Variants in NLGN1 observed in about 807,000 individuals in gnomAD.
NLGN1 encodes neuroligin 1, also known as neuroligin-1.
NLGN1 carries 12 observed loss-of-function variants against 65.5 expected under a neutral mutation model. That is an observed-to-expected ratio of 0.18 (90% CI 0.12 to 0.30). NLGN1 has a LOEUF of 0.30. Ranked by LOEUF, NLGN1 falls within the 10% of genes least tolerant of loss-of-function variation. The pLI is 1.00. For synonymous variants in NLGN1, 350 were observed against 359.5 expected (o/e 0.97, Z 0.30); for missense variants, 750 against 1,007.1 (o/e 0.74, Z 3.46).
At chr3:174,116,672 T>C (rs1716555250) in intron 4 of NLGN1, among the ~76,000 whole-genome samples, 1 of 152,046 alleles carries the variant, frequency 6.6e-6, no homozygotes, top group South Asian at 2.1e-4. Context: ...TAGACTAAGA[T>C]AGCATTTGGA....
chr3:174,273,950 T>G (rs545835661), intron 4 of NLGN1, among the ~76,000 whole-genome samples: 6 of 151,732 alleles, frequency 4.0e-5, no homozygotes, highest in East Asian at 1.9e-4. Context: ...GTTATCATGG[T>G]TTTGTTTTCA....
intron 4 of NLGN1, among the ~76,000 whole-genome samples, chr3:174,186,183 A>C (rs1434685310): frequency 6.6e-6 from 1 of 152,142 alleles, no homozygotes. Flanking sequence ...GTGTGCATTT[A>C]TGCCTTGTGT....
chr3:173,951,222 AAAAATG>A (rs1748141990), intron 4 of NLGN1, among the ~76,000 whole-genome samples: 1 of 152,122 alleles, frequency 6.6e-6, no homozygotes, highest in Non-Finnish European at 1.5e-5. Context: ...CCTAACTGGA[AAAAATG>A]AAAATGAAGA....
chr3:173,482,470 T>C (rs985160711), intron 2 of NLGN1, among the ~76,000 whole-genome samples: 4 of 151,928 alleles, frequency 2.6e-5, no homozygotes, highest in Admixed American at 6.6e-5. Flanking sequence ...CAATACACTA[T>C]CAGAAATTTC....
rs182142639 is a variant in NLGN1, at chr3:173,670,932, A to G, written c.493+65841A>G. Among the ~76,000 whole-genome samples the G allele has an allele frequency of 5.7e-4, 87 of 152,334 alleles. 2 individuals are homozygous for G. In the East Asian group the frequency reaches 0.016, roughly 28 times the overall value. On this transcript the variant is annotated intron_variant, in intron 3 of 6. Transcript: ENST00000457714. ...TACTCAAAAAGCATTAAATGTACTCAAATAAATTACCTAAAAAGTGCATAG... is the reference window on the plus strand; with the variant it reads ...TACTCAAAAAGCATTAAATGTACTCGAATAAATTACCTAAAAAGTGCATAG...
At chr3:173,802,068 T>A (rs1715558468) in intron 3 of NLGN1, among the ~76,000 whole-genome samples, 2 of 152,162 alleles carry the variant, frequency 1.3e-5, no homozygotes, top group Non-Finnish European at 1.5e-5. Context: ...AAGGCCAAAT[T>A]TTCCCCATTT....
In NLGN1 at chr3:173,696,108, G is replaced by A. The variant is rs920458047; in HGVS notation, c.493+91017G>A. On this transcript the variant is annotated intron_variant, in intron 3 of 6. Coordinates refer to ENST00000457714, the Ensembl canonical transcript of NLGN1. ...ATTACAAGTGTGAACCACTGAGCCT[G>A]GCCTTATTTATAATTCTTTATGGTA... Among the ~76,000 whole-genome samples, 4 of 152,250 alleles carry A rather than the reference G, an allele frequency of 2.6e-5. No individual in the cohort carries two copies. In the South Asian group the frequency reaches 8.3e-4, roughly 32 times the overall value.
At chr3:173,685,053 A>C (rs2149798886) in intron 3 of NLGN1, among the ~76,000 whole-genome samples, 1 of 152,286 alleles carries the variant, frequency 6.6e-6, no homozygotes, top group East Asian at 1.9e-4. Flanking sequence ...GATGATTCTT[A>C]GCATTATGTT....
At chr3:173,628,790 C>T (rs1318181236) in intron 3 of NLGN1, among the ~76,000 whole-genome samples, 1 of 151,832 alleles carries the variant, frequency 6.6e-6, no homozygotes, top group Non-Finnish European at 1.5e-5. Flanking sequence ...GTCTCCTGGG[C>T]TCAAGCGATT....
intron 2 of NLGN1, among the ~76,000 whole-genome samples, chr3:173,562,966 C>T (rs1297794060): frequency 6.6e-6 from 1 of 152,150 alleles, no homozygotes; most frequent in African/African-American, 2.4e-5. Context: ...ATTTATCTCA[C>T]CAAAACTCCC....
chr3:173,994,164 G>T (rs1365786132), intron 4 of NLGN1, among the ~76,000 whole-genome samples: 4 of 152,044 alleles, frequency 2.6e-5, no homozygotes, highest in Non-Finnish European at 5.9e-5. Context: ...TTGGAGTGCA[G>T]TGGCGTGATC....
intron 4 of NLGN1, among the ~76,000 whole-genome samples, chr3:174,148,312 C>T (rs1376158596): frequency 6.6e-6 from 1 of 152,168 alleles, no homozygotes; most frequent in African/African-American, 2.4e-5. Flanking sequence ...CTAGATAATA[C>T]AATCCTACAG....
At chr3:173,457,400 C>T (rs916155779) in intron 2 of NLGN1, among the ~76,000 whole-genome samples, 1 of 151,908 alleles carries the variant, frequency 6.6e-6, no homozygotes, top group African/African-American at 2.4e-5. Flanking sequence ...GTTCACAAAG[C>T]ATAAAGACAA....
At chr3:173,447,250 A>G (rs1333779271) in intron 2 of NLGN1, among the ~76,000 whole-genome samples, 1 of 152,196 alleles carries the variant, frequency 6.6e-6, no homozygotes, top group East Asian at 1.9e-4. Context: ...TATAAGGTGT[A>G]AGGAAGGGAT....
chr3:173,807,909 T>A lies in NLGN1; in HGVS notation c.646+77T>A, dbSNP rs181083932. ...GGTTTTGTTTTGACTTGTTTTGTTC[T>A]GCTTTGCTTTGTTTCACCCATTTTT... On this transcript the variant is annotated intron_variant, in intron 4 of 6. Transcript: ENST00000457714. 5.2e-4 allele frequency: 757 copies of A among 1,451,536 alleles called. 2 individuals are homozygous for A. Among genetic ancestry groups the A allele is most frequent in the Admixed American group, 3.7e-3 (212 of 57,096 alleles). The allele number at this position is 1,451,536 out of a possible 1,614,324, so 89.9% of individuals were successfully genotyped here.
intron 4 of NLGN1, among the ~76,000 whole-genome samples, chr3:174,050,127 A>G (rs1352077066): frequency 3.3e-5 from 5 of 152,146 alleles, no homozygotes; most frequent in African/African-American, 1.2e-4. Flanking sequence ...TGAATTTCAC[A>G]TCAAAAGTGA....
chr3:174,156,427 C>T (rs1725448221), intron 4 of NLGN1, among the ~76,000 whole-genome samples: 2 of 151,744 alleles, frequency 1.3e-5, no homozygotes, highest in African/African-American at 2.4e-5. Flanking sequence ...TTTAACGCTG[C>T]CCATTCTCGA....
At chr3:174,024,141 T>A (rs1468628682) in intron 4 of NLGN1, among the ~76,000 whole-genome samples, 1 of 86,034 alleles carries the variant, frequency 1.2e-5, no homozygotes, top group African/African-American at 4.4e-5. Flanking sequence ...AGAGTCCTAT[T>A]AAAAAAAAAA....
intron 4 of NLGN1, among the ~76,000 whole-genome samples, chr3:174,166,005 A>G (rs1157889660): frequency 6.6e-6 from 1 of 151,866 alleles, no homozygotes; most frequent in African/African-American, 2.4e-5. Context: ...AATATTCTCT[A>G]TGAATCTTTT....
Sources: gnomAD v4.1 joint callset for allele counts (sites outside exome capture counted in the v4.1 genomes callset) on GRCh38, gnomAD v4.1.1 for gene constraint, MANE v1.5 for transcripts, NCBI Gene and HGNC (gene_info 2026-07-23, HGNC 2026-07-21) for gene names.